LPCAT4: variants seen among roughly 807,000 people sequenced by gnomAD.
LPCAT4 encodes lysophospholipid acyltransferase LPCAT4.
Under a neutral mutation model 66.5 loss-of-function variants are expected in LPCAT4, and 30 were observed. The ratio of observed to expected loss-of-function variants is 0.45; its 90% CI spans 0.34 to 0.61. The LOEUF (loss-of-function observed/expected upper bound fraction) is 0.61. Among genes scored for constraint, LPCAT4 ranks in the 20% least tolerant of loss-of-function variants. LPCAT4 has a pLI of 0.01. For synonymous variants in LPCAT4, 253 were observed against 262.1 expected, an observed-to-expected ratio of 0.97 and a Z score of 0.34; for missense variants, 557 against 656.7, an observed-to-expected ratio of 0.85 and a Z score of 1.66.
At position 34,363,139 on chromosome 15, in the gene LPCAT4, A is replaced by G. The variant is rs573854731; in HGVS notation, c.746+283T>C. ...AAGGCGAGAGGCATGCCTGATGGTG[A>G]TGGTTCTCAGGAAGGGATAATTGAG... is the stretch of plus-strand genomic sequence containing the variant. On this transcript the variant is annotated intron_variant, in intron 7 of 13. Transcript: ENST00000314891. The surrounding 1 kb of genome is among the most constrained non-coding windows in gnomAD (Gnocchi z 4.3). Among the ~76,000 whole-genome samples, 7 of 152,314 alleles carry G rather than the reference A, an allele frequency of 4.6e-5. No homozygotes were observed. In the East Asian group the frequency reaches 5.8e-4, roughly 13 times the overall value.
chr15:34,364,409 C>CACT, intron 3 of LPCAT4, 103 bp from the exon 4 acceptor site: 2 of 600,666 alleles, frequency 3.3e-6, no homozygotes, highest in Non-Finnish European at 5.5e-6. Context: ...TTTCTGTTAT[C>CACT]TCTTTTTTTT....
chr15:34,359,891 T>C, intron 12 of LPCAT4, 146 bp from the exon 13 acceptor site: 1 of 888,486 alleles, frequency 1.1e-6, no homozygotes. Context: ...TCTGCAGAAC[T>C]GTAGACTTTA....
At chr15:34,361,355 A>AG in intron 11 of LPCAT4, 45 bp downstream of exon 11, 1 of 1,611,552 alleles carries the variant, frequency 6.2e-7, no homozygotes, top group Non-Finnish European at 8.5e-7. Flanking sequence ...GTCAGCCTGG[A>AG]GGGAAGCCTG....
At position 34,363,670 on chromosome 15, in the gene LPCAT4, G is replaced by A; in HGVS notation, c.702C>T (p.Pro234=). ...TTGGACTAAGACTCACCAGACTGTTGGGGTAGCGGATGAGGACAGGCTGCA... is the reference window on the plus strand; with the variant it reads ...TTGGACTAAGACTCACCAGACTGTTAGGGTAGCGGATGAGGACAGGCTGCA... ...VPVQPVLIRY[P]NSLDTTSWAW... Residue 234 remains proline (P), a synonymous_variant, in exon 6 of 14, where the codon CCC becomes CCT. Transcript: ENST00000314891. The surrounding 1 kb of genome is among the most constrained non-coding windows in gnomAD (Gnocchi z 4.3). The A allele has an allele frequency of 6.2e-7, 1 of 1,614,134 alleles. No individual in the cohort carries two copies. The highest frequency in any genetic ancestry group is 8.5e-7 in the Non-Finnish European group (1 of 1,180,026).
At chr15:34,361,613 C>T in intron 10 of LPCAT4, 81 bp from the exon 11 acceptor site, 10 of 1,560,992 alleles carry the variant, frequency 6.4e-6, no homozygotes, top group Non-Finnish European at 7.0e-6. Flanking sequence ...GCCCCAGTAC[C>T]AAGAGTTCTA....
Position 34,363,961 on chromosome 15 carries a change from A to C in LPCAT4, c.652+52T>G. 1.3e-6 allele frequency: 2 copies of C among 1,571,686 alleles called. No individual in the cohort carries two copies. The highest frequency in any genetic ancestry group is 1.7e-6 in the Non-Finnish European group (2 of 1,144,918). On this transcript the variant is annotated intron_variant, in intron 5 of 13. Transcript: ENST00000314891. The surrounding 1 kb of genome is among the most constrained non-coding windows in gnomAD (Gnocchi z 4.3). Reference sequence around the variant, plus strand: ...TGGGTTATTTCAGAGTCCCTCCCCAAATCTGGAACTTCTTTTTCCTACAGC... The same window carrying C: ...TGGGTTATTTCAGAGTCCCTCCCCACATCTGGAACTTCTTTTTCCTACAGC...
rs1890992540 is a variant in LPCAT4, at chr15:34,363,272, C to T, written c.746+150G>A. 9.9e-6 allele frequency: 8 copies of T among 809,382 alleles called. No individual in the cohort carries two copies. Among genetic ancestry groups the T allele is most frequent in the South Asian group, 1.7e-5 (1 of 60,230 alleles). The allele number at this position is 809,382 out of a possible 1,614,324, so 50.1% of individuals were successfully genotyped here. A position where few individuals can be genotyped will look rare whatever the true frequency, so the allele number is the denominator to read the frequency against. On this transcript the variant is annotated intron_variant, in intron 7 of 13. Transcript: ENST00000314891. The surrounding 1 kb of genome is among the most constrained non-coding windows in gnomAD (Gnocchi z 4.3). ...TAAGCACAGCCAGATTATATGGGGA[C>T]ATCAGGGGGAAAGTGGTGTCTCCTC...
In LPCAT4 at chr15:34,363,843, GATA is replaced by G. The variant is rs1410990069; in HGVS notation, c.653-127_653-125del. ...GAGATATGGTTTTGTTCCACTCATT[GATA>G]ATTTTCTCTCTGACTCCTCGACTTG... is the stretch of plus-strand genomic sequence containing the variant. On this transcript the variant is annotated intron_variant, in intron 5 of 13. Coordinates refer to ENST00000314891, the MANE Select transcript of LPCAT4 (RefSeq NM_153613.3). The surrounding 1 kb of genome is among the most constrained non-coding windows in gnomAD (Gnocchi z 4.3). The G allele has an allele frequency of 7.3e-7, 1 of 1,362,366 alleles. No homozygotes were observed. The highest frequency in any genetic ancestry group is 1.4e-5 in the African/African-American group (1 of 69,756). 84.4% of individuals were successfully genotyped at this position (1,362,366 alleles called of 1,614,324 possible).
At chr15:34,359,339 T>C in intron 13 of LPCAT4, 37 bp from the exon 14 acceptor site, 1 of 1,462,850 alleles carries the variant, frequency 6.8e-7, no homozygotes, top group Non-Finnish European at 9.1e-7. Flanking sequence ...TGAAAAGATC[T>C]AAGAACGAGA....
At chr15:34,365,261 A>T in intron 2 of LPCAT4, 33 bp from the exon 3 acceptor site, 1 of 1,572,530 alleles carries the variant, frequency 6.4e-7, no homozygotes, top group Admixed American at 1.9e-5. Context: ...CAGCGGAAGC[A>T]GTGGTTCTAA....
At chr15:34,364,418 T>C (rs1891022616) in intron 3 of LPCAT4, 112 bp from the exon 4 acceptor site, 1 of 625,724 alleles carries the variant, frequency 1.6e-6, no homozygotes, top group Admixed American at 3.4e-5. Context: ...TCTCTTTTTT[T>C]TTTTTTTCTG....
chr15:34,359,751 G>T lies in LPCAT4; in HGVS notation c.1243-6C>A. 6.2e-7 allele frequency: 1 copy of T among 1,609,498 alleles called. No homozygotes were observed. Among genetic ancestry groups the T allele is most frequent in the South Asian group, 1.1e-5 (1 of 90,240 alleles). ...GCTTGCTCTTCAGCAAAGAGCTTGG[G>T]AGAGAAAGGGATAAGAGTCAAGTTC... On this transcript the variant is annotated splice_polypyrimidine_tract_variant and splice_region_variant and intron_variant, in intron 12 of 13. Transcript: ENST00000314891.
In LPCAT4 at chr15:34,363,387, TC is replaced by T. The variant is rs748866296; in HGVS notation, c.746+34del. The T allele has an allele frequency of 6.2e-7, 1 of 1,605,658 alleles. No individual in the cohort carries two copies. The highest frequency in any genetic ancestry group is 1.3e-5 in the African/African-American group (1 of 74,588). ...CCAGGAATTCTCTGATGGACCCTGC[TC>T]CCCACCCTCACCCCCAGGAATACCA... On this transcript the variant is annotated intron_variant, in intron 7 of 13. Coordinates refer to ENST00000314891, the MANE Select transcript of LPCAT4 (RefSeq NM_153613.3). The surrounding 1 kb of genome is among the most constrained non-coding windows in gnomAD (Gnocchi z 4.3).
intron 1 of LPCAT4, 110 bp downstream of exon 1, chr15:34,366,875 CCT>C: frequency 6.7e-7 from 1 of 1,482,676 alleles, no homozygotes; most frequent in Non-Finnish European, 9.1e-7. Flanking sequence ...GCTCCGCAAG[CCT>C]CTCAGCCATC....
In LPCAT4 at chr15:34,363,513, G is replaced by A. The variant is rs1164727768; in HGVS notation, c.712-57C>T. 2 of 1,610,058 alleles carry A rather than the reference G, an allele frequency of 1.2e-6. No homozygotes were observed. Among genetic ancestry groups the A allele is most frequent in the Non-Finnish European group, 1.7e-6 (2 of 1,176,922 alleles). ...GCATTACTTTTTCCCCCTGGAACTG[G>A]CCAATCACCTTTGAACAGAGGGCCT... On this transcript the variant is annotated intron_variant, in intron 6 of 13. Coordinates refer to ENST00000314891, the MANE Select transcript of LPCAT4 (RefSeq NM_153613.3). This position sits in a 1 kb window ranked among gnomAD's most constrained non-coding sequence, Gnocchi z 4.3.
At position 34,359,589 on chromosome 15, in the gene LPCAT4, A is replaced by T. The variant is rs552927582; in HGVS notation, c.1399T>A (p.Cys467Ser). The T allele has an allele frequency of 6.2e-7, 1 of 1,611,574 alleles. No homozygotes were observed. The highest frequency in any genetic ancestry group is 1.3e-5 in the African/African-American group (1 of 74,974). ...TGGGGCTGAGAAGGCAGTGACTCAC[A>T]GAGGGAGAGGCCTTGGCTGGATCCT... ...QAGSSQGLSL[C>S]QFQNFSLHDP... Residue 467 changes from cysteine (C) to serine (S), a missense_variant and splice_region_variant, in exon 13 of 14, where the codon TGT becomes AGT. By Grantham distance (112) the Cys-to-Ser change is moderately radical. Transcript: ENST00000314891.
intron 1 of LPCAT4, chr15:34,365,941 C>T (rs532517886): frequency 4.1e-4 from 201 of 484,608 alleles, no homozygotes; most frequent in Non-Finnish European, 5.3e-4. Flanking sequence ...TTGGTCCCTA[C>T]CCCATTTATA....
chr15:34,366,839 C>T (rs1891088925), intron 1 of LPCAT4, 148 bp downstream of exon 1: 1 of 1,250,932 alleles, frequency 8.0e-7, no homozygotes, highest in Non-Finnish European at 1.1e-6. Flanking sequence ...CCGCGGCCGC[C>T]CCCACGTGCG....
At chr15:34,362,064 A>AC (rs750392208) in intron 10 of LPCAT4, 132 bp downstream of exon 10, 6 of 1,208,298 alleles carry the variant, frequency 5.0e-6, no homozygotes, top group Non-Finnish European at 6.9e-6. Context: ...CCTTTTATTT[A>AC]TTCTATTATC....
Sources: allele counts gnomAD v4.1 joint callset (sites outside exome capture counted in the v4.1 genomes callset), GRCh38; gene constraint gnomAD v4.1.1; non-coding constraint Gnocchi (gnomAD v3.1); transcripts MANE v1.5; gene names NCBI Gene and HGNC (gene_info 2026-07-23, HGNC 2026-07-21).